FGF12: variants seen among roughly 807,000 people sequenced by gnomAD.
FGF12 encodes the protein fibroblast growth factor 12B.
Under a neutral mutation model 23.6 loss-of-function variants are expected in FGF12, and 14 were observed. The ratio of observed to expected loss-of-function variants is 0.59; its 90% CI spans 0.39 to 0.93. FGF12 has a LOEUF of 0.93. FGF12 is among the 40% of genes least tolerant of loss of function. FGF12 has a pLI of 0.00. For missense variants in FGF12, 175 were observed against 217.8 expected (o/e 0.80, Z 1.24); for synonymous variants, 62 against 77.3 (o/e 0.80, Z 1.04).
intron 3 of FGF12, among the ~76,000 whole-genome samples, chr3:192,359,376 T>C (rs1044841272): frequency 6.6e-6 from 1 of 152,164 alleles, no homozygotes; most frequent in African/African-American, 2.4e-5. Flanking sequence ...ATATCTAGCT[T>C]CCTAAATTAC....
intron 2 of FGF12, among the ~76,000 whole-genome samples, chr3:192,397,263 G>A (rs1253707242): frequency 6.6e-6 from 1 of 152,220 alleles, no homozygotes; most frequent in African/African-American, 2.4e-5. Flanking sequence ...AAGCTGCAGA[G>A]GATAATGGCC....
chr3:192,415,333 A>G, intron 2 of FGF12, among the ~76,000 whole-genome samples: 1 of 152,152 alleles, frequency 6.6e-6, no homozygotes, highest in East Asian at 1.9e-4. Flanking sequence ...AATACCCATA[A>G]GGACAGGGCC....
At chr3:192,181,419 A>G in intron 4 of FGF12, among the ~76,000 whole-genome samples, 1 of 151,874 alleles carries the variant, frequency 6.6e-6, no homozygotes. Flanking sequence ...GATCAAGAGG[A>G]TTTATTAGTT....
rs546194667 is a variant in FGF12, at chr3:192,438,314, C to A, written c.14-77776G>T. On this transcript the variant is annotated intron_variant, in intron 2 of 5. Transcript: ENST00000445105. ...TTACCTCTCATCCAGATGTTAAAAT[C>A]ATTAAGAACAAAGAGTATGCAGTGT... Among the ~76,000 whole-genome samples, 80 of 152,318 alleles carry A rather than the reference C, an allele frequency of 5.3e-4. No homozygotes were observed. In the South Asian group the frequency reaches 0.017, roughly 32 times the overall value.
intron 2 of FGF12, among the ~76,000 whole-genome samples, chr3:192,567,753 CTTT>C (rs1560152897): frequency 7.9e-6 from 1 of 126,120 alleles, no homozygotes; most frequent in African/African-American, 2.9e-5. Flanking sequence ...TTCTTTCTTT[CTTT>C]CTTTCTTTCT....
intron 2 of FGF12, among the ~76,000 whole-genome samples, chr3:192,627,943 T>C (rs1298938553): frequency 6.6e-6 from 1 of 151,840 alleles, no homozygotes; most frequent in East Asian, 1.9e-4. Flanking sequence ...TCAAAATGAG[T>C]TTTGTCACAG....
intron 2 of FGF12, among the ~76,000 whole-genome samples, chr3:192,398,942 A>C (rs1370849822): frequency 6.6e-6 from 1 of 152,178 alleles, no homozygotes; most frequent in Non-Finnish European, 1.5e-5. Context: ...TTGATTTAAC[A>C]GCAACTGAAG....
At chr3:192,196,442 T>G (rs546421340) in intron 4 of FGF12, among the ~76,000 whole-genome samples, 7 of 152,240 alleles carry the variant, frequency 4.6e-5, no homozygotes, top group African/African-American at 1.7e-4. Flanking sequence ...TAAAAGATCA[T>G]TATAAACAAT....
intron 2 of FGF12, among the ~76,000 whole-genome samples, chr3:192,564,204 C>T (rs2108596977): frequency 6.6e-6 from 1 of 152,274 alleles, no homozygotes; most frequent in Non-Finnish European, 1.5e-5. Context: ...GCTGGGATTA[C>T]AGGCGCCCGC....
chr3:192,249,079 C>T (rs898589600), intron 4 of FGF12, among the ~76,000 whole-genome samples: 3 of 152,034 alleles, frequency 2.0e-5, no homozygotes, highest in Non-Finnish European at 4.4e-5. Context: ...AAGATGGTAG[C>T]GAGTTTTTAT....
chr3:192,409,996 C>G lies in FGF12; in HGVS notation c.14-49458G>C, dbSNP rs1393755197. 6.6e-6 allele frequency among the ~76,000 whole-genome samples: 1 copy of G among 152,090 alleles called. No homozygotes were observed. Among genetic ancestry groups the G allele is most frequent in the Non-Finnish European group, 1.5e-5 (1 of 67,990 alleles). On this transcript the variant is annotated intron_variant, in intron 2 of 5. Coordinates refer to ENST00000445105, the MANE Select transcript of FGF12 (RefSeq NM_004113.6). This position sits in a 1 kb window ranked among gnomAD's most constrained non-coding sequence, Gnocchi z 4.8. ...TGAGGCTCTGGGCGCGCGGAGCCGCCGCCGCCCCTCCGGCTGGCTCAGCTG... is the reference window on the plus strand; with the variant it reads ...TGAGGCTCTGGGCGCGCGGAGCCGCGGCCGCCCCTCCGGCTGGCTCAGCTG...
chr3:192,213,812 G>A (rs1393060520), intron 4 of FGF12, among the ~76,000 whole-genome samples: 1 of 152,194 alleles, frequency 6.6e-6, no homozygotes, highest in Admixed American at 6.5e-5. Context: ...TCATGTAGCT[G>A]TGGTGACTCT....
At chr3:192,410,118 G>A (rs1215021526) in intron 2 of FGF12, among the ~76,000 whole-genome samples, 3 of 152,040 alleles carry the variant, frequency 2.0e-5, no homozygotes, top group African/African-American at 4.8e-5. Flanking sequence ...CCTCCCGCAC[G>A]GCCCGCCGAC....
chr3:192,167,163 CAAAAAAA>C (rs35097529), intron 5 of FGF12, among the ~76,000 whole-genome samples: 3 of 108,082 alleles, frequency 2.8e-5, no homozygotes, highest in African/African-American at 1.0e-4. Context: ...ATATGGCTAT[CAAAAAAA>C]AAAAAAAAAA....
intron 4 of FGF12, 73 bp downstream of exon 4, chr3:192,335,288 A>G: frequency 3.1e-6 from 3 of 970,618 alleles, no homozygotes; most frequent in Non-Finnish European, 4.8e-6. Context: ...CTTGCCTAAC[A>G]TGATGGTTAC....
intron 4 of FGF12, among the ~76,000 whole-genome samples, chr3:192,215,009 G>C (rs1718118527): frequency 6.6e-6 from 1 of 152,178 alleles, no homozygotes; most frequent in African/African-American, 2.4e-5. Context: ...TAAGAGAGCT[G>C]CCTTACAATG....
intron 5 of FGF12, among the ~76,000 whole-genome samples, chr3:192,168,918 A>G (rs893116264): frequency 2.6e-5 from 4 of 152,364 alleles, no homozygotes; most frequent in African/African-American, 9.6e-5. Flanking sequence ...AAGAAAGTCA[A>G]GAAGGCCATC....
At chr3:192,355,378 A>G (rs1159997486) in intron 3 of FGF12, among the ~76,000 whole-genome samples, 1 of 152,230 alleles carries the variant, frequency 6.6e-6, no homozygotes, top group Non-Finnish European at 1.5e-5. Flanking sequence ...AGATGGATGG[A>G]TGGATAGATA....
At chr3:192,535,037 A>G (rs1407980476) in intron 2 of FGF12, among the ~76,000 whole-genome samples, 1 of 152,118 alleles carries the variant, frequency 6.6e-6, no homozygotes, top group African/African-American at 2.4e-5. Context: ...TCCTTTTGTA[A>G]TAAAATCATT....
Sources: gnomAD v4.1 joint callset for allele counts (sites outside exome capture counted in the v4.1 genomes callset) on GRCh38, gnomAD v4.1.1 for gene constraint, Gnocchi (gnomAD v3.1) non-coding constraint, MANE v1.5 for transcripts, NCBI Gene and HGNC (gene_info 2026-07-23, HGNC 2026-07-21) for gene names.